Variants in NSMCE2 observed in about 807,000 individuals in gnomAD.
NSMCE2 encodes the protein NSE2 SUMO ligase component of SMC5/6 complex, also known as E3 SUMO-protein ligase NSE2.
A neutral mutation model predicts 23.8 loss-of-function variants in NSMCE2; 24 were observed. The observed-to-expected ratio is 1.01, with a 90% CI of 0.73 to 1.42. The LOEUF (loss-of-function observed/expected upper bound fraction) is 1.42. Among genes scored for constraint, NSMCE2 ranks in the 40% most tolerant of loss-of-function variants. The pLI is 0.00. For synonymous variants in NSMCE2, 92 were observed against 94.1 expected (o/e 0.98, Z 0.13); for missense variants, 284 against 296.5 (o/e 0.96, Z 0.31).
At chr8:125,126,018 T>G (rs1819500302) in intron 3 of NSMCE2, among the ~76,000 whole-genome samples, 1 of 152,160 alleles carries the variant, frequency 6.6e-6, no homozygotes, top group Non-Finnish European at 1.5e-5. Flanking sequence ...TGCCCTCTGA[T>G]GTAGAAGGAG....
chr8:125,151,462 C>T, intron 4 of NSMCE2, 185 bp downstream of exon 4: 1 of 409,834 alleles, frequency 2.4e-6, no homozygotes, highest in Non-Finnish European at 4.4e-6. Context: ...CTGGCTAGGC[C>T]ACTTAGGTTG....
chr8:125,106,034 G>A (rs973503703), intron 3 of NSMCE2, among the ~76,000 whole-genome samples: 3 of 124,920 alleles, frequency 2.4e-5, no homozygotes, highest in Middle Eastern at 8.2e-3. Flanking sequence ...GAATACATGC[G>A]TGTGTGTGTG....
At chr8:125,176,418 C>T (rs1002115954) in intron 4 of NSMCE2, among the ~76,000 whole-genome samples, 3 of 152,044 alleles carry the variant, frequency 2.0e-5, no homozygotes, top group Admixed American at 2.0e-4. Context: ...CTCTTCTAGC[C>T]GCCCTTAAAA....
At chr8:125,206,676 C>G (rs964274976) in intron 5 of NSMCE2, among the ~76,000 whole-genome samples, 5 of 152,160 alleles carry the variant, frequency 3.3e-5, no homozygotes, top group Non-Finnish European at 7.3e-5. Flanking sequence ...TAGACTGTCT[C>G]ATGGAAGAAC....
At chr8:125,134,020 A>T (rs1431864793) in intron 3 of NSMCE2, among the ~76,000 whole-genome samples, 2 of 152,204 alleles carry the variant, frequency 1.3e-5, no homozygotes, top group Non-Finnish European at 2.9e-5. Flanking sequence ...ACAAGTTCCC[A>T]GTTGATGGTG....
At chr8:125,197,580 A>G (rs1231813334) in intron 5 of NSMCE2, among the ~76,000 whole-genome samples, 1 of 152,198 alleles carries the variant, frequency 6.6e-6, no homozygotes, top group Non-Finnish European at 1.5e-5. Flanking sequence ...TACCAGTATC[A>G]TGCTGTTTTG....
intron 5 of NSMCE2, among the ~76,000 whole-genome samples, chr8:125,355,336 A>C (rs1265742616): frequency 6.6e-6 from 1 of 152,196 alleles, no homozygotes; most frequent in Admixed American, 6.5e-5. Flanking sequence ...GAAGGGAGAA[A>C]AGAGTAGAGA....
intron 1 of NSMCE2, among the ~76,000 whole-genome samples, chr8:125,092,387 G>A (rs911343318): frequency 6.6e-6 from 1 of 152,142 alleles, no homozygotes; most frequent in African/African-American, 2.4e-5. Flanking sequence ...TTTTGTAACT[G>A]GCCAAATCTT....
At chr8:125,207,877 T>C (rs1241197983) in intron 5 of NSMCE2, among the ~76,000 whole-genome samples, 1 of 152,176 alleles carries the variant, frequency 6.6e-6, no homozygotes. Context: ...GGCAAGAGCC[T>C]CTAGAGCCGG....
intron 5 of NSMCE2, among the ~76,000 whole-genome samples, chr8:125,307,588 C>T (rs911268999): frequency 6.6e-6 from 1 of 152,180 alleles, no homozygotes; most frequent in Non-Finnish European, 1.5e-5. Context: ...TGAGCACTTC[C>T]CCTAGCTTGC....
intron 5 of NSMCE2, among the ~76,000 whole-genome samples, chr8:125,354,211 C>A (rs557273122): frequency 3.3e-5 from 5 of 152,048 alleles, no homozygotes; most frequent in Admixed American, 3.3e-4. Flanking sequence ...GGATTACAGG[C>A]GTGAGCCACC....
At chr8:125,345,067 T>C (rs981632866) in intron 5 of NSMCE2, among the ~76,000 whole-genome samples, 1 of 150,484 alleles carries the variant, frequency 6.6e-6, no homozygotes, top group African/African-American at 2.5e-5. Context: ...TGACAGCCGA[T>C]TACTACTGTA....
intron 1 of NSMCE2, among the ~76,000 whole-genome samples, chr8:125,097,705 A>G (rs1818003054): frequency 6.6e-6 from 1 of 152,062 alleles, no homozygotes; most frequent in African/African-American, 2.4e-5. Context: ...TTCTTTTAAT[A>G]TGGAACTTGT....
intron 3 of NSMCE2, among the ~76,000 whole-genome samples, chr8:125,135,496 C>G (rs1820019646): frequency 6.6e-6 from 1 of 152,144 alleles, no homozygotes; most frequent in Middle Eastern, 3.4e-3. Flanking sequence ...CTGTATTTTT[C>G]TAGAAATTTT....
chr8:125,209,273 G>A (rs1040867716), intron 5 of NSMCE2, among the ~76,000 whole-genome samples: 6 of 152,178 alleles, frequency 3.9e-5, no homozygotes, highest in Admixed American at 6.5e-5. Context: ...CTCTGCTGAC[G>A]AAGAAGTACA....
At chr8:125,266,400 C>G (rs1409492157) in intron 5 of NSMCE2, among the ~76,000 whole-genome samples, 3 of 152,178 alleles carry the variant, frequency 2.0e-5, no homozygotes, top group Non-Finnish European at 4.4e-5. Flanking sequence ...AGTCAGAATT[C>G]CTACAGACTT....
At chr8:125,177,460 C>T (rs1168885680) in intron 4 of NSMCE2, among the ~76,000 whole-genome samples, 1 of 152,196 alleles carries the variant, frequency 6.6e-6, no homozygotes, top group African/African-American at 2.4e-5. Context: ...AAACTATATT[C>T]ATTGGTTCAC....
chr8:125,110,578 A>G (rs1285017227), intron 3 of NSMCE2, among the ~76,000 whole-genome samples: 1 of 152,162 alleles, frequency 6.6e-6, no homozygotes, highest in Non-Finnish European at 1.5e-5. Flanking sequence ...GTGAAGTTAC[A>G]TGCATTTTTT....
At chr8:125,234,945 GCTTTTACCAAAAAA>G (rs144439742) in intron 5 of NSMCE2, among the ~76,000 whole-genome samples, 3,275 of 151,896 alleles carry the variant, frequency 0.022, 129 homozygotes, top group African/African-American at 0.076. Context: ...TCAAGTCCTG[GCTTTTACCAAAAAA>G]CTTTTCCCTG....
Sources: gnomAD v4.1 joint callset for allele counts (sites outside exome capture counted in the v4.1 genomes callset) on GRCh38, gnomAD v4.1.1 for gene constraint, MANE v1.5 for transcripts, NCBI Gene and HGNC (gene_info 2026-07-23, HGNC 2026-07-21) for gene names.